The following CLCN1 variants were observed in gnomAD, a reference collection of about 807,000 sequenced individuals.
CLCN1 encodes chloride channel protein 1.
In CLCN1, 100 loss-of-function variants were observed where a neutral mutation model predicts 114.5. That is an observed-to-expected ratio of 0.87 (90% confidence interval 0.74 to 1.03). The LOEUF is 1.03. Among genes scored for constraint, CLCN1 ranks in the 50% least tolerant of loss-of-function variants. The probability of loss-of-function intolerance (pLI) is 0.00; values close to 1 mark genes in which losing one functional copy is unlikely to be tolerated. For missense variants in CLCN1, 1,188 were observed against 1,250.0 expected, an observed-to-expected ratio of 0.95 and a Z score of 0.75; for synonymous variants, 485 against 487.1, an observed-to-expected ratio of 1.00 and a Z score of 0.06.
intron 16 of CLCN1, among the ~76,000 whole-genome samples, chr7:143,343,716 C>CTT (rs1803149877): frequency 8.3e-6 from 1 of 120,936 alleles, no homozygotes; most frequent in Admixed American, 7.8e-5. Flanking sequence ...CTTTCTTTCT[C>CTT]TTTCTTTCTT....
chr7:143,316,835 C>A (rs1802301470), intron 1 of CLCN1, among the ~76,000 whole-genome samples: 1 of 152,172 alleles, frequency 6.6e-6, no homozygotes, highest in Admixed American at 6.5e-5. Flanking sequence ...CTGCAGAAGG[C>A]AGAAGAAAGG....
Position 143,350,337 on chromosome 7 carries a change from T to G in CLCN1, c.2404-35T>G. ...AGGTATCTGGGGTGAAAGGAGGCTC[T>G]GTGATTTTCGTGACTTTCCTCCTCT... On this transcript the variant is annotated intron_variant, in intron 20 of 22. Coordinates refer to ENST00000343257, the MANE Select transcript of CLCN1 (RefSeq NM_000083.3). This position sits in a 1 kb window ranked among gnomAD's most constrained non-coding sequence, Gnocchi z 5.1. 6.4e-7 allele frequency: 1 copy of G among 1,562,246 alleles called. No individual in the cohort carries two copies.
chr7:143,344,981 A>G (rs1803189591), intron 16 of CLCN1, among the ~76,000 whole-genome samples: 1 of 152,020 alleles, frequency 6.6e-6, no homozygotes, highest in Non-Finnish European at 1.5e-5. Flanking sequence ...CGAACTCCTG[A>G]CCTCAGGCGA....
chr7:143,320,913 G>A (rs376320975), intron 3 of CLCN1, 118 bp downstream of exon 3: 72 of 1,241,502 alleles, frequency 5.8e-5, no homozygotes, highest in African/African-American at 3.8e-4. Flanking sequence ...CGAATATTGC[G>A]CAGAGAGGGA....
In CLCN1 at chr7:143,324,595, G is replaced by A. The variant is rs1002994600; in HGVS notation, c.853+103G>A. The A allele has an allele frequency of 1.1e-5, 9 of 852,484 alleles. No homozygotes were observed. Among genetic ancestry groups the A allele is most frequent in the East Asian group, 2.5e-5 (1 of 40,060 alleles). The allele number at this position is 852,484 out of a possible 1,614,324, so 52.8% of individuals were successfully genotyped here. The stretch of plus-strand genomic sequence containing the variant: ...GTGCTGGTATTACCAGGTTACTTAC[G>A]AGAATAGCTGACTTTTAGTAAGCCT... On this transcript the variant is annotated intron_variant, in intron 7 of 22. Transcript: ENST00000343257. This position sits in a 1 kb window ranked among gnomAD's most constrained non-coding sequence, Gnocchi z 4.6.
chr7:143,348,023 T>C (rs1468054633), intron 20 of CLCN1, among the ~76,000 whole-genome samples: 1 of 152,144 alleles, frequency 6.6e-6, no homozygotes, highest in African/African-American at 2.4e-5. Context: ...GCCGAAAACG[T>C]AAAGCTTGTA....
chr7:143,317,263 T>TG (rs1054546443), intron 1 of CLCN1, among the ~76,000 whole-genome samples: 26 of 149,918 alleles, frequency 1.7e-4, no homozygotes, highest in South Asian at 6.5e-4. Context: ...TTTTTTTTTT[T>TG]TTTGAGATGG....
rs773025750 is a variant in CLCN1 at position 143,323,308 on chromosome 7, G to C, written c.697-1G>C. On this transcript the variant is annotated splice_acceptor_variant, in intron 5 of 22. Transcript: ENST00000343257. LOFTEE classifies it high-confidence loss of function. ...CCGCCCCCTCGCTCCCCCTCTCCCA[G>C]GGCCCCTTCGTCCACATTGCCAGCA... 1 of 1,608,680 alleles carries C rather than the reference G, an allele frequency of 6.2e-7. No homozygotes were observed. Among genetic ancestry groups the C allele is most frequent in the South Asian group, 1.1e-5 (1 of 90,980 alleles).
At position 143,350,386 on chromosome 7, in the gene CLCN1, GC is replaced by G; in HGVS notation, c.2419del (p.Gln807ArgfsTer4). The stretch of plus-strand genomic sequence containing the variant: ...CTGGCTGACAGATTGAGGCCTGGGA[GC>G]AGGAGCAGCTGAGCCAGCCTGTCTG... The part of the protein sequence containing the change: ...MSPEEIEAWE[Q>X]EQLSQPVCFD... On this transcript the variant is annotated frameshift_variant, in exon 21 of 23. Transcript: ENST00000343257. LOFTEE classifies it high-confidence loss of function. This position sits in a 1 kb window ranked among gnomAD's most constrained non-coding sequence, Gnocchi z 5.1. 2 of 1,613,928 alleles carry G rather than the reference GC, an allele frequency of 1.2e-6. No homozygotes were observed. Among genetic ancestry groups the G allele is most frequent in the Non-Finnish European group, 1.7e-6 (2 of 1,179,854 alleles).
chr7:143,327,039 A>G (rs1802591879), intron 7 of CLCN1, among the ~76,000 whole-genome samples: 1 of 152,130 alleles, frequency 6.6e-6, no homozygotes, highest in Admixed American at 6.5e-5. Context: ...TGAGGTCAGG[A>G]GTTCAAGAAC....
At position 143,339,330 on chromosome 7, in the gene CLCN1, C is replaced by A; in HGVS notation, c.1471+8C>A. On this transcript the variant is annotated splice_region_variant and intron_variant, in intron 13 of 22. Transcript: ENST00000343257. This position sits in a 1 kb window ranked among gnomAD's most constrained non-coding sequence, Gnocchi z 4.1. ...TGCCTGTGTTTGTGCTAGGTAAGTT[C>A]TGATGGGAAGCCTGGGGTCTGACTG... 6.2e-7 allele frequency: 1 copy of A among 1,607,272 alleles called. No individual in the cohort carries two copies. Among genetic ancestry groups the A allele is most frequent in the Non-Finnish European group, 8.5e-7 (1 of 1,173,740 alleles).
chr7:143,319,517 G>A (rs1415028395), intron 1 of CLCN1, among the ~76,000 whole-genome samples: 1 of 152,212 alleles, frequency 6.6e-6, no homozygotes. Context: ...GGTGAGTACA[G>A]GTTGGAGAAT....
chr7:143,320,625 GTTGT>G (rs770027057), intron 2 of CLCN1, 35 bp from the exon 3 acceptor site: 241 of 1,510,254 alleles, frequency 1.6e-4, no homozygotes, highest in Middle Eastern at 5.6e-4. Flanking sequence ...TTGTTTGTTT[GTTGT>G]TTGTTTGTTT....
chr7:143,324,322 T>C lies in CLCN1; in HGVS notation c.775-92T>C. On this transcript the variant is annotated intron_variant, in intron 6 of 22. Transcript: ENST00000343257. This position sits in a 1 kb window ranked among gnomAD's most constrained non-coding sequence, Gnocchi z 4.6. ...ACTCCTTTTGACTTAGGCCTCTCAT[T>C]CTGCCTTATTCCCCATCCCTGCTTG... 1 of 906,708 alleles carries C rather than the reference T, an allele frequency of 1.1e-6. No homozygotes were observed. The highest frequency in any genetic ancestry group is 1.7e-5 in the Admixed American group (1 of 57,918). 56.2% of individuals were successfully genotyped at this position (906,708 alleles called of 1,614,324 possible).
chr7:143,342,281 T>A, intron 15 of CLCN1, 91 bp from the exon 16 acceptor site: 3 of 1,529,298 alleles, frequency 2.0e-6, no homozygotes, highest in East Asian at 2.3e-5. Flanking sequence ...GTAGATATTG[T>A]GAGTGACTGA....
chr7:143,344,728 G>C (rs931227081), intron 16 of CLCN1, among the ~76,000 whole-genome samples: 2 of 148,608 alleles, frequency 1.3e-5, no homozygotes, highest in Non-Finnish European at 3.0e-5. Context: ...GGAAAAGTAG[G>C]CATTTTGATT....
At chr7:143,328,547 G>A (rs938057871) in intron 7 of CLCN1, among the ~76,000 whole-genome samples, 18 of 152,154 alleles carry the variant, frequency 1.2e-4, no homozygotes, top group African/African-American at 2.7e-4. Flanking sequence ...CCAGAACCAC[G>A]TCGTAGGAAA....
rs376321837 is a variant in CLCN1 at position 143,342,131 on chromosome 7, G to A, written c.1785G>A (p.Trp595Ter). The A allele has an allele frequency of 6.2e-7, 1 of 1,614,026 alleles. No individual in the cohort carries two copies. The highest frequency in any genetic ancestry group is 1.7e-5 in the Admixed American group (1 of 59,998). Residue 595 changes from tryptophan to a stop codon, truncating the protein, a stop_gained, in exon 15 of 23, where the codon TGG becomes TGA. Coordinates refer to ENST00000343257, the MANE Select transcript of CLCN1 (RefSeq NM_000083.3). LOFTEE classifies it high-confidence loss of function. Reference sequence around the variant, plus strand: ...TACCCTACTTGCCTGACCTTGGCTGGAACCAGCTCAGGTCAGGGGCACTAG... The same window carrying A: ...TACCCTACTTGCCTGACCTTGGCTGAAACCAGCTCAGGTCAGGGGCACTAG... ...KKLPYLPDLGWNQLSKYTIFV... is the reference protein window; with the variant it reads ...KKLPYLPDLG
Position 143,321,361 on chromosome 7 carries a change from G to A in CLCN1, c.434-4G>A, listed in dbSNP as rs368048336. On this transcript the variant is annotated splice_polypyrimidine_tract_variant and splice_region_variant and intron_variant, in intron 3 of 22. Coordinates refer to ENST00000343257, the MANE Select transcript of CLCN1 (RefSeq NM_000083.3). This position sits in a 1 kb window ranked among gnomAD's most constrained non-coding sequence, Gnocchi z 4.2. ...TGCCTAACCCCAGGCATGTGTCTCC[G>A]CAGCCTACAAGTGGTCCTACGCGCA... 1.3e-4 allele frequency: 202 copies of A among 1,614,110 alleles called. No homozygotes were observed. In the Middle Eastern group the frequency reaches 1.5e-3, roughly 12 times the overall value.
Sources: allele counts gnomAD v4.1 joint callset (sites outside exome capture counted in the v4.1 genomes callset), GRCh38; gene constraint gnomAD v4.1.1; non-coding constraint Gnocchi (gnomAD v3.1); transcripts MANE v1.5; gene names NCBI Gene and HGNC (gene_info 2026-07-23, HGNC 2026-07-21).